The following MLIP variants were observed in gnomAD, a reference collection of about 807,000 sequenced individuals.
The protein encoded by MLIP is muscular LMNA-interacting protein.
Under a neutral mutation model 84.8 loss-of-function variants are expected in MLIP, and 79 were observed. The ratio of observed to expected loss-of-function variants is 0.93; its 90% CI spans 0.78 to 1.12. The LOEUF (loss-of-function observed/expected upper bound fraction) is 1.12, where lower values mean the gene tolerates loss of function less well. Ranked by LOEUF, MLIP falls within the 50% of genes most tolerant of loss-of-function variation. MLIP has a pLI of 0.00. For synonymous variants in MLIP, 504 were observed against 463.0 expected (o/e 1.09, Z -1.14); for missense variants, 1,257 against 1,160.6 (o/e 1.08, Z -1.21).
chr6:54,150,530 C>T (rs1773333239), intron 5 of MLIP, among the ~76,000 whole-genome samples: 1 of 152,204 alleles, frequency 6.6e-6, no homozygotes, highest in Admixed American at 6.5e-5. Flanking sequence ...TGTGCTTTCA[C>T]AGATGTGGGA....
chr6:54,104,627 C>T (rs540088476), intron 1 of MLIP, among the ~76,000 whole-genome samples: 1 of 152,288 alleles, frequency 6.6e-6, no homozygotes, highest in Non-Finnish European at 1.5e-5. Flanking sequence ...ACTCAGAGAA[C>T]GTCTCCTGAT....
In MLIP at chr6:54,230,441, T is replaced by C. The variant is rs1378441431; in HGVS notation, c.2719-273T>C. Among the ~76,000 whole-genome samples, 3 of 152,126 alleles carry C rather than the reference T, an allele frequency of 2.0e-5. No homozygotes were observed. In the East Asian group the frequency reaches 5.8e-4, roughly 29 times the overall value. On this transcript the variant is annotated intron_variant, in intron 11 of 13. Transcript: ENST00000502396. ...CTTACAGATATCTCCCCTTAATACT[T>C]TCAAAAATAAACCTGGTACCCTTCA...
chr6:54,023,772 G>A (rs868226719), intron 1 of MLIP, among the ~76,000 whole-genome samples: 2 of 151,894 alleles, frequency 1.3e-5, no homozygotes, highest in Admixed American at 1.3e-4. Context: ...GTTTCTCCAC[G>A]TTAGCCAAGC....
At chr6:54,247,836 G>A (rs1782193862) in intron 12 of MLIP, among the ~76,000 whole-genome samples, 1 of 152,136 alleles carries the variant, frequency 6.6e-6, no homozygotes, top group Non-Finnish European at 1.5e-5. Context: ...ACTGCTAGAG[G>A]AGAGTGGAAT....
intron 1 of MLIP, among the ~76,000 whole-genome samples, chr6:54,089,825 A>G (rs1417590256): frequency 6.6e-6 from 1 of 152,174 alleles, no homozygotes; most frequent in Non-Finnish European, 1.5e-5. Flanking sequence ...AAACTATGGT[A>G]CTATAACAAA....
Position 54,202,792 on chromosome 6 carries a change from G to T in MLIP, c.2718+559G>T, listed in dbSNP as rs528792694. On this transcript the variant is annotated intron_variant, in intron 11 of 13. Transcript: ENST00000502396. ...GTGTGCCTGTGGTCCCAGCTACTTG[G>T]CAGGCTGAAGTGGGAGAATTGTTGA... Among the ~76,000 whole-genome samples the T allele has an allele frequency of 9.2e-5, 14 of 152,054 alleles. No individual in the cohort carries two copies. In the South Asian group the frequency reaches 2.9e-3, roughly 32 times the overall value.
At chr6:54,091,793 A>G (rs1767891983) in intron 1 of MLIP, among the ~76,000 whole-genome samples, 1 of 152,142 alleles carries the variant, frequency 6.6e-6, no homozygotes, top group African/African-American at 2.4e-5. Context: ...AATTATACCA[A>G]CACTTGTTGT....
intron 3 of MLIP, among the ~76,000 whole-genome samples, chr6:54,131,370 CT>C (rs1349351898): frequency 2.0e-5 from 3 of 152,172 alleles, no homozygotes; most frequent in Non-Finnish European, 2.9e-5. Flanking sequence ...TTCCAAAGAC[CT>C]TTTTTTAATT....
rs1779777437 is a variant in MLIP, at chr6:54,215,277, A to G, written c.2718+13044A>G. The G allele has an allele frequency of 2.7e-6, 4 of 1,481,422 alleles. No homozygotes were observed. The South Asian group carries it at 4.0e-5, about 15-fold the overall frequency. The allele number at this position is 1,481,422 out of a possible 1,614,324, so 91.8% of individuals were successfully genotyped here. ...CCTACTTCCTGAAAAAGAGAAAAAG[A>G]CGATGATAGAATTCAATGGCAAGAA... On this transcript the variant is annotated intron_variant, in intron 11 of 13. Coordinates refer to ENST00000502396, the MANE Select transcript of MLIP (RefSeq NM_001281747.2).
chr6:54,083,869 A>G (rs946006747), intron 1 of MLIP, among the ~76,000 whole-genome samples: 49 of 152,170 alleles, frequency 3.2e-4, no homozygotes, highest in Admixed American at 1.3e-3. Context: ...ATGGGAAATA[A>G]TTTAGGTAAA....
chr6:54,070,051 C>T (rs1268689038), intron 1 of MLIP, among the ~76,000 whole-genome samples: 1 of 152,086 alleles, frequency 6.6e-6, no homozygotes, highest in Admixed American at 6.6e-5. Flanking sequence ...TAGTTTCTCA[C>T]TTTCTTCCAT....
intron 1 of MLIP, among the ~76,000 whole-genome samples, chr6:54,062,812 AT>A (rs2150334722): frequency 1.3e-5 from 2 of 152,332 alleles, no homozygotes; most frequent in South Asian, 4.1e-4. Context: ...TTTCATATAT[AT>A]TTTGGACAGA....
intron 12 of MLIP, among the ~76,000 whole-genome samples, chr6:54,255,541 T>C (rs1338434683): frequency 6.6e-6 from 1 of 152,164 alleles, no homozygotes; most frequent in Non-Finnish European, 1.5e-5. Flanking sequence ...GAAGAAAGCA[T>C]GCCAAAGCTA....
At chr6:54,116,399 G>A (rs1769924348) in intron 1 of MLIP, among the ~76,000 whole-genome samples, 1 of 152,154 alleles carries the variant, frequency 6.6e-6, no homozygotes, top group Non-Finnish European at 1.5e-5. Context: ...TAGAATCAGA[G>A]AATAAAACGG....
At chr6:54,156,534 G>T (rs1171846982) in intron 5 of MLIP, among the ~76,000 whole-genome samples, 2 of 152,080 alleles carry the variant, frequency 1.3e-5, no homozygotes, top group South Asian at 4.1e-4. Context: ...CATTGCACTA[G>T]CATTGATTAT....
intron 1 of MLIP, among the ~76,000 whole-genome samples, chr6:54,036,179 A>G (rs1391924226): frequency 6.6e-6 from 1 of 151,952 alleles, no homozygotes; most frequent in African/African-American, 2.4e-5. Context: ...GGTTATTATT[A>G]GAAATAACAT....
At chr6:54,150,119 A>G (rs547006939) in intron 5 of MLIP, among the ~76,000 whole-genome samples, 3 of 152,294 alleles carry the variant, frequency 2.0e-5, no homozygotes, top group East Asian at 3.9e-4. Flanking sequence ...TGATCTGAAG[A>G]GTAAAACCTT....
At chr6:54,218,151 G>C in intron 11 of MLIP, 1 of 244,350 alleles carries the variant, frequency 4.1e-6, no homozygotes, top group Non-Finnish European at 6.6e-6. Flanking sequence ...GCATCATTAG[G>C]TGATTTTGTC....
At chr6:54,205,198 T>C (rs915207646) in intron 11 of MLIP, among the ~76,000 whole-genome samples, 35 of 152,338 alleles carry the variant, frequency 2.3e-4, no homozygotes, top group African/African-American at 7.7e-4. Context: ...ATAACTTGAA[T>C]AATAAAATGT....
Sources: allele counts gnomAD v4.1 joint callset (sites outside exome capture counted in the v4.1 genomes callset), GRCh38; gene constraint gnomAD v4.1.1; transcripts MANE v1.5; gene names NCBI Gene and HGNC (gene_info 2026-07-23, HGNC 2026-07-21).